ABCB5: variants seen among roughly 807,000 people sequenced by gnomAD.
The protein encoded by ABCB5 is ATP binding cassette subfamily B member 5, also known as ATP-binding cassette sub-family B member 5.
In ABCB5, 155 loss-of-function variants were observed where a neutral mutation model predicts 144.2. That is an observed-to-expected ratio of 1.08 (90% CI 0.94 to 1.23). The LOEUF (loss-of-function observed/expected upper bound fraction) is 1.23, where lower values mean the gene tolerates loss of function less well. Among genes scored for constraint, ABCB5 ranks in the 50% most tolerant of loss-of-function variants. The probability of loss-of-function intolerance (pLI) is 0.00; values close to 1 mark genes in which losing one functional copy is unlikely to be tolerated. For missense variants in ABCB5, 1,830 were observed against 1,520.8 expected (o/e 1.20, Z -3.38); for synonymous variants, 610 against 528.6 (o/e 1.15, Z -2.11).
At chr7:20,643,092 T>C in intron 5 of ABCB5, 92 bp from the exon 6 acceptor site, 1 of 1,073,286 alleles carries the variant, frequency 9.3e-7, no homozygotes, top group Admixed American at 2.7e-5. Flanking sequence ...TAGCATAAAT[T>C]TCCTCAATCA....
At chr7:20,685,896 T>C in intron 16 of ABCB5, 60 bp downstream of exon 16, 1 of 1,485,918 alleles carries the variant, frequency 6.7e-7, no homozygotes, top group East Asian at 2.4e-5. Context: ...ATTTAATCCT[T>C]ACAAAATTTA....
At chr7:20,649,108 G>C (rs1016092067) in intron 11 of ABCB5, among the ~76,000 whole-genome samples, 1 of 152,066 alleles carries the variant, frequency 6.6e-6, no homozygotes, top group African/African-American at 2.4e-5. Flanking sequence ...TTTTGGGGGG[G>C]TCCACCTATT....
chr7:20,713,090 C>T (rs1781549086), intron 20 of ABCB5, among the ~76,000 whole-genome samples: 1 of 149,840 alleles, frequency 6.7e-6, no homozygotes, highest in African/African-American at 2.5e-5. Flanking sequence ...ATTTTACTCT[C>T]TGTCTCTATG....
intron 23 of ABCB5, among the ~76,000 whole-genome samples, chr7:20,736,013 C>A (rs73687891): frequency 1.3e-5 from 2 of 151,884 alleles, no homozygotes; most frequent in African/African-American, 2.4e-5. Context: ...GGATTTAGGG[C>A]GGGAAGAGGT....
chr7:20,756,181 A>G lies in ABCB5; in HGVS notation c.*557A>G, dbSNP rs1338716495. 2 of 152,860 alleles carry G rather than the reference A, an allele frequency of 1.3e-5. No individual in the cohort carries two copies. Among genetic ancestry groups the G allele is most frequent in the African/African-American group, 4.8e-5 (2 of 41,464 alleles). 9.5% of individuals were successfully genotyped at this position (152,860 alleles called of 1,614,324 possible). On this transcript the variant is annotated 3_prime_UTR_variant, in exon 28 of 28. Transcript: ENST00000404938. ...TTTTTTTGTTGAGCAGGGAATAGAA[A>G]GGATTACGATGTAAAATTTCTGGGA...
In ABCB5 at chr7:20,723,186, C is replaced by A. The variant is rs147792312; in HGVS notation, c.2592C>A (p.Asn864Lys). 395 of 1,613,946 alleles carry A rather than the reference C, an allele frequency of 2.4e-4. No individual in the cohort carries two copies. The highest frequency in any genetic ancestry group is 9.9e-4 in the Middle Eastern group (6 of 6,082). The change falls in exon 21 of 28, where the codon AAC (asparagine) becomes AAA (lysine). Residue 864 changes from asparagine (N) to lysine (K), a missense_variant. By Grantham distance (94) the Asn-to-Lys change is moderately conservative. Coordinates refer to ENST00000404938, the MANE Select transcript of ABCB5 (RefSeq NM_001163941.2). ...IETAAMTGFA[N>K]KDKQELKHAG... ...CCGCAGCAATGACTGGATTTGCCAA[C>A]AAAGATAAGCAAGAACTTAAGCATG...
chr7:20,724,998 T>C (rs751878269), intron 21 of ABCB5, among the ~76,000 whole-genome samples: 3 of 152,250 alleles, frequency 2.0e-5, no homozygotes, highest in African/African-American at 7.2e-5. Flanking sequence ...CAATAATTTA[T>C]ACAATTTCTA....
chr7:20,696,994 T>G (rs59582697), intron 16 of ABCB5, among the ~76,000 whole-genome samples: 4,771 of 152,260 alleles, frequency 0.031, 267 homozygotes, highest in African/African-American at 0.11. Context: ...ATGTTAAACC[T>G]TAATCTCCTT....
At chr7:20,669,141 G>A (rs1167235437) in intron 14 of ABCB5, among the ~76,000 whole-genome samples, 331 of 150,088 alleles carry the variant, frequency 2.2e-3, no homozygotes, top group African/African-American at 6.1e-3. Flanking sequence ...TGCCCCATCC[G>A]GGAGGTGAGG....
At position 20,651,050 on chromosome 7, in the gene ABCB5, C is replaced by T. The variant is rs182347694; in HGVS notation, c.1333-370C>T. On this transcript the variant is annotated intron_variant, in intron 12 of 27. Transcript: ENST00000404938. ...GAGGTGTGAGATGTTGAAATAATGGCGGCTATTTCCTAGAAGAAATGTAAG... is the reference window on the plus strand; with the variant it reads ...GAGGTGTGAGATGTTGAAATAATGGTGGCTATTTCCTAGAAGAAATGTAAG... Among the ~76,000 whole-genome samples the T allele has an allele frequency of 9.2e-5, 14 of 152,186 alleles. No homozygotes were observed. The East Asian group carries it at 2.7e-3, about 29-fold the overall frequency.
chr7:20,643,615 G>A lies in ABCB5; in HGVS notation c.661G>A (p.Ala221Thr), dbSNP rs1784342830. ...CACGTCTCCTCTTATAATGGCTTCA[G>A]CGGCAGCATGTTCTAGGGTAAGTGA... ...LSTSPLIMAS[A>T]AACSRMVISL... The change falls in exon 7 of 28, where the codon GCG (alanine) becomes ACG (threonine). Residue 221 changes from alanine to threonine, a missense_variant. By Grantham distance (58) the Ala-to-Thr change is moderately conservative. Coordinates refer to ENST00000404938, the MANE Select transcript of ABCB5 (RefSeq NM_001163941.2). 1.9e-6 allele frequency: 3 copies of A among 1,613,920 alleles called. No individual in the cohort carries two copies. Among genetic ancestry groups the A allele is most frequent in the Non-Finnish European group, 2.5e-6 (3 of 1,179,884 alleles).
At position 20,712,003 on chromosome 7, in the gene ABCB5, G is replaced by A. The variant is rs1253500046; in HGVS notation, c.2421+7196G>A. 2.0e-4 allele frequency among the ~76,000 whole-genome samples: 28 copies of A among 142,726 alleles called. 3 individuals carry two copies. Among genetic ancestry groups the A allele is most frequent in the Non-Finnish European group, 3.1e-4 (20 of 65,460 alleles). 93.6% of individuals were successfully genotyped at this position (142,726 alleles called of 152,430 possible). On this transcript the variant is annotated intron_variant, in intron 20 of 27. Coordinates refer to ENST00000404938, the MANE Select transcript of ABCB5 (RefSeq NM_001163941.2). ...GCCTGTAATCCCAGCACTTTGGGAG[G>A]CCGAGGCGGGTGGACCACGAGGTCA...
At chr7:20,701,226 T>C (rs1786615378) in intron 19 of ABCB5, among the ~76,000 whole-genome samples, 1 of 152,218 alleles carries the variant, frequency 6.6e-6, no homozygotes, top group Non-Finnish European at 1.5e-5. Context: ...AAGTTGTACA[T>C]TATTATTTTT....
At chr7:20,617,207 A>C (rs1783706150) in intron 1 of ABCB5, among the ~76,000 whole-genome samples, 2 of 152,218 alleles carry the variant, frequency 1.3e-5, no homozygotes, top group Admixed American at 1.3e-4. Context: ...TGCTTAAAAC[A>C]GTACCTGGCA....
At chr7:20,712,368 A>C (rs772642977) in intron 20 of ABCB5, among the ~76,000 whole-genome samples, 1 of 148,616 alleles carries the variant, frequency 6.7e-6, no homozygotes, top group Non-Finnish European at 1.5e-5. Flanking sequence ...CTTGTTTCTT[A>C]TGCTTGAAGT....
rs1562549609 is a variant in ABCB5, at chr7:20,665,768, G to GATAGATAGATAGAGATACATAC, written c.1707+7095_1707+7096insGATAGATAGAGATACATACATA. On this transcript the variant is annotated intron_variant, in intron 14 of 27. Coordinates refer to ENST00000404938, the MANE Select transcript of ABCB5 (RefSeq NM_001163941.2). The stretch of plus-strand genomic sequence containing the variant: ...ATAGATAGATAGATAGATAGATAGA[G>GATAGATAGATAGAGATACATAC]ATACATACATACATACATACATACA... Among the ~76,000 whole-genome samples the GATAGATAGATAGAGATACATAC allele has an allele frequency of 1.1e-4, 14 of 125,486 alleles. No homozygotes were observed. In the South Asian group the frequency reaches 2.5e-3, roughly 23 times the overall value. The allele number at this position is 125,486 out of a possible 152,430, so 82.3% of individuals were successfully genotyped here.
At chr7:20,717,504 G>T (rs925865196) in intron 20 of ABCB5, among the ~76,000 whole-genome samples, 2 of 149,082 alleles carry the variant, frequency 1.3e-5, no homozygotes, top group Admixed American at 6.7e-5. Flanking sequence ...CTGCAGTGGC[G>T]TTATGTTGGC....
chr7:20,617,251 A>T (rs895362119), intron 1 of ABCB5, among the ~76,000 whole-genome samples: 28 of 152,246 alleles, frequency 1.8e-4, no homozygotes, highest in African/African-American at 4.8e-4. Flanking sequence ...AAATTTTTTT[A>T]AAAAATCATC....
chr7:20,704,814 A>G lies in ABCB5; in HGVS notation c.2421+7A>G, dbSNP rs1375969858. Reference sequence around the variant, plus strand: ...TATAGCACAAATTCAAGGAGTATGTATATTGTTTTTATTGTAAATGATGTA... The same window carrying G: ...TATAGCACAAATTCAAGGAGTATGTGTATTGTTTTTATTGTAAATGATGTA... On this transcript the variant is annotated splice_region_variant and intron_variant, in intron 20 of 27. Coordinates refer to ENST00000404938, the MANE Select transcript of ABCB5 (RefSeq NM_001163941.2). 1.2e-6 allele frequency: 2 copies of G among 1,605,552 alleles called. No individual in the cohort carries two copies. Among genetic ancestry groups the G allele is most frequent in the Non-Finnish European group, 1.7e-6 (2 of 1,173,026 alleles).
Sources: gnomAD v4.1 joint callset for allele counts (sites outside exome capture counted in the v4.1 genomes callset) on GRCh38, gnomAD v4.1.1 for gene constraint, MANE v1.5 for transcripts, NCBI Gene and HGNC (gene_info 2026-07-23, HGNC 2026-07-21) for gene names.